ENPP2: variants seen among roughly 807,000 people sequenced by gnomAD.
ENPP2 encodes autotaxin.
ENPP2 carries 51 observed loss-of-function variants against 120.2 expected under a neutral mutation model. That is an observed-to-expected ratio of 0.42 (90% CI 0.34 to 0.54). ENPP2 has a LOEUF of 0.54. Ranked by LOEUF, ENPP2 falls within the 20% of genes least tolerant of loss-of-function variation. The pLI is 0.04. For missense variants in ENPP2, 920 were observed against 1,066.5 expected, an observed-to-expected ratio of 0.86 and a Z score of 1.91; for synonymous variants, 365 against 366.4, an observed-to-expected ratio of 1.00 and a Z score of 0.04.
chr8:119,576,914 C>T (rs903374538), intron 19 of ENPP2, among the ~76,000 whole-genome samples: 8 of 152,136 alleles, frequency 5.3e-5, no homozygotes, highest in African/African-American at 1.9e-4. Context: ...TTTTCTTTCT[C>T]TTTATTTTAG....
At chr8:119,605,264 G>C (rs536964513) in intron 9 of ENPP2, among the ~76,000 whole-genome samples, 1 of 152,004 alleles carries the variant, frequency 6.6e-6, no homozygotes, top group South Asian at 2.1e-4. Context: ...GAGAGATGGG[G>C]TTTTGCCATG....
At chr8:119,590,029 G>A (rs1184978573) in intron 13 of ENPP2, among the ~76,000 whole-genome samples, 1 of 152,066 alleles carries the variant, frequency 6.6e-6, no homozygotes, top group Non-Finnish European at 1.5e-5. Context: ...CTTTTACAAA[G>A]AGAATGGACT....
intron 12 of ENPP2, among the ~76,000 whole-genome samples, chr8:119,591,478 T>A (rs955256817): frequency 6.6e-6 from 1 of 152,224 alleles, no homozygotes; most frequent in Admixed American, 6.5e-5. Context: ...CTATGGAGGC[T>A]ACTAGAGATC....
intron 1 of ENPP2, among the ~76,000 whole-genome samples, chr8:119,647,892 C>T (rs955183777): frequency 1.3e-5 from 2 of 152,024 alleles, no homozygotes; most frequent in African/African-American, 4.8e-5. Context: ...GTAATCCCGG[C>T]TACTTGGAAG....
chr8:119,634,431 G>A (rs1479167370), intron 2 of ENPP2, among the ~76,000 whole-genome samples: 1 of 152,086 alleles, frequency 6.6e-6, no homozygotes, highest in African/African-American at 2.4e-5. Context: ...TAAAGGTATT[G>A]TTAACTCAAT....
intron 24 of ENPP2, among the ~76,000 whole-genome samples, chr8:119,562,405 T>G (rs1201482030): frequency 6.6e-6 from 1 of 152,200 alleles, no homozygotes; most frequent in Non-Finnish European, 1.5e-5. Flanking sequence ...ATCAAACCAC[T>G]GCACTCCAGC....
intron 8 of ENPP2, 48 bp from the exon 9 acceptor site, chr8:119,608,025 C>T (rs1361822507): frequency 7.1e-7 from 1 of 1,406,162 alleles, no homozygotes; most frequent in African/African-American, 1.4e-5. Context: ...GTGTTTTTGT[C>T]AAAGAAGAAA....
intron 1 of ENPP2, among the ~76,000 whole-genome samples, chr8:119,644,587 A>AATATAT (rs33966650): frequency 0.041 from 2,455 of 59,416 alleles, 47 homozygotes; most frequent in East Asian, 0.053. Flanking sequence ...AGATTACTAA[A>AATATAT]ATATATATAT....
At chr8:119,666,046 T>C (rs1361280206) in intron 1 of ENPP2, among the ~76,000 whole-genome samples, 1 of 152,186 alleles carries the variant, frequency 6.6e-6, no homozygotes, top group Non-Finnish European at 1.5e-5. Context: ...TATAATGGCA[T>C]GGGGCAATAT....
chr8:119,643,706 C>T (rs1050492218), upstream of ENPP2, among the ~76,000 whole-genome samples: 2 of 152,168 alleles, frequency 1.3e-5, no homozygotes, highest in African/African-American at 4.8e-5. Flanking sequence ...CTCCTGCTCT[C>T]CACATTAATC....
intron 13 of ENPP2, 68 bp from the exon 14 acceptor site, chr8:119,587,143 G>C: frequency 1.6e-6 from 2 of 1,274,984 alleles, no homozygotes; most frequent in Non-Finnish European, 2.2e-6. Flanking sequence ...CATTTTTGCA[G>C]CAAGATACTC....
In ENPP2 at chr8:119,626,722, T is replaced by G; in HGVS notation, c.137-2A>C. On this transcript the variant is annotated splice_acceptor_variant, in intron 2 of 24. Transcript: ENST00000075322. LOFTEE classifies it high-confidence loss of function. ...TGGTCCAGGGGGAGTCTGATAGCAC[T>G]GCAAAGAACAAGAGGCAAAAACAAT... is the stretch of plus-strand genomic sequence containing the variant. The G allele has an allele frequency of 6.2e-7, 1 of 1,613,776 alleles. No individual in the cohort carries two copies. The highest frequency in any genetic ancestry group is 8.5e-7 in the Non-Finnish European group (1 of 1,179,788).
At chr8:119,561,529 A>C (rs1587313605) in intron 24 of ENPP2, among the ~76,000 whole-genome samples, 1 of 152,148 alleles carries the variant, frequency 6.6e-6, no homozygotes. Flanking sequence ...ACTTTCCATC[A>C]AATTAAAAGG....
chr8:119,633,393 G>A (rs1449371861), intron 2 of ENPP2, among the ~76,000 whole-genome samples: 1 of 152,056 alleles, frequency 6.6e-6, no homozygotes, highest in African/African-American at 2.4e-5. Context: ...CTTAGCCCAG[G>A]TATTTCCTGA....
intron 1 of ENPP2, among the ~76,000 whole-genome samples, chr8:119,649,190 G>A (rs1013545100): frequency 2.0e-5 from 3 of 151,098 alleles, no homozygotes; most frequent in Non-Finnish European, 4.4e-5. Flanking sequence ...TCAGGAGATC[G>A]GGAGCATCCT....
chr8:119,577,337 G>A (rs555819425), intron 19 of ENPP2, among the ~76,000 whole-genome samples: 19 of 152,258 alleles, frequency 1.2e-4, no homozygotes, highest in Admixed American at 3.3e-4. Context: ...CACATACATG[G>A]TGGTTCACAT....
chr8:119,663,862 T>C (rs1817994500), intron 1 of ENPP2, among the ~76,000 whole-genome samples: 1 of 152,204 alleles, frequency 6.6e-6, no homozygotes, highest in Non-Finnish European at 1.5e-5. Context: ...TGCCACTATG[T>C]TGAATTAATA....
intron 15 of ENPP2, among the ~76,000 whole-genome samples, chr8:119,585,654 C>G (rs1438716374): frequency 6.6e-6 from 1 of 152,048 alleles, no homozygotes; most frequent in East Asian, 1.9e-4. Context: ...CATTCAAAAG[C>G]AAGGAACATT....
chr8:119,607,909 A>G lies in ENPP2; in HGVS notation c.833+13T>C. On this transcript the variant is annotated intron_variant, in intron 9 of 24. Transcript: ENST00000075322. ...GTCATTTTATAAACATTGACAAAAT[A>G]AAGGTAACTTACACAGACCAAAAGA... The G allele has an allele frequency of 1.3e-6, 2 of 1,548,600 alleles. No homozygotes were observed. Among genetic ancestry groups the G allele is most frequent in the Non-Finnish European group, 1.8e-6 (2 of 1,135,088 alleles).
Sources: allele counts gnomAD v4.1 joint callset (sites outside exome capture counted in the v4.1 genomes callset), GRCh38; gene constraint gnomAD v4.1.1; transcripts MANE v1.5; gene names NCBI Gene and HGNC (gene_info 2026-07-23, HGNC 2026-07-21).